The following GOLPH3 variants were observed in gnomAD, a reference collection of about 807,000 sequenced individuals.
GOLPH3 encodes golgi phosphoprotein 3.
Under a neutral mutation model 28.5 loss-of-function variants are expected in GOLPH3, and 14 were observed. The observed-to-expected ratio is 0.49, with a 90% CI of 0.32 to 0.77. The LOEUF (loss-of-function observed/expected upper bound fraction) is 0.77. GOLPH3 is among the 30% of genes least tolerant of loss of function. The pLI is 0.03. For synonymous variants in GOLPH3, 158 were observed against 159.2 expected, an observed-to-expected ratio of 0.99 and a Z score of 0.06; for missense variants, 350 against 393.7, an observed-to-expected ratio of 0.89 and a Z score of 0.94.
chr5:32,143,060 G>A (rs1746115563), intron 2 of GOLPH3, among the ~76,000 whole-genome samples: 1 of 152,194 alleles, frequency 6.6e-6, no homozygotes, highest in African/African-American at 2.4e-5. Flanking sequence ...CCGTGTCTGT[G>A]TAGAAAGAGG....
chr5:32,142,860 C>T (rs1202100997), intron 2 of GOLPH3, among the ~76,000 whole-genome samples: 2 of 150,284 alleles, frequency 1.3e-5, no homozygotes, highest in African/African-American at 2.5e-5. Context: ...CCAGCCGCCC[C>T]GTCCGGGAGG....
At position 32,148,704 on chromosome 5, in the gene GOLPH3, G is replaced by C. The variant is rs557479182; in HGVS notation, c.226-4824C>G. ...CCCAGCTACTCGGGAGGCTGAGGCA[G>C]GAGAATAACGTGACCCCAGGAGGCG... On this transcript the variant is annotated intron_variant, in intron 1 of 3. Transcript: ENST00000265070. Among the ~76,000 whole-genome samples, 166 of 143,102 alleles carry C rather than the reference G, an allele frequency of 1.2e-3. 2 individuals carry two copies. Among genetic ancestry groups the C allele is most frequent in the African/African-American group, 4.1e-3 (158 of 38,982 alleles). 93.9% of individuals were successfully genotyped at this position (143,102 alleles called of 152,430 possible).
Position 32,174,266 on chromosome 5 carries a change from C to T in GOLPH3, c.-232G>A, listed in dbSNP as rs557421547. On this transcript the variant is annotated 5_prime_UTR_variant, in exon 1 of 4. Transcript: ENST00000265070. ...GCGCCTTCCTGCCTGTGGCCGCAGT[C>T]CCCGAAACACCCCGAGCTCCAAGGC... is the stretch of plus-strand genomic sequence containing the variant. 3 of 354,920 alleles carry T rather than the reference C, an allele frequency of 8.5e-6. No homozygotes were observed. The highest frequency in any genetic ancestry group is 1.0e-5 in the Non-Finnish European group (2 of 198,730). The allele number at this position is 354,920 out of a possible 1,614,324, so 22.0% of individuals were successfully genotyped here.
At chr5:32,150,149 T>A (rs1746272813) in intron 1 of GOLPH3, among the ~76,000 whole-genome samples, 1 of 151,942 alleles carries the variant, frequency 6.6e-6, no homozygotes, top group Non-Finnish European at 1.5e-5. Flanking sequence ...AAAATACACA[T>A]GTTAAAATAC....
At chr5:32,133,891 T>C in intron 3 of GOLPH3, among the ~76,000 whole-genome samples, 1 of 152,146 alleles carries the variant, frequency 6.6e-6, no homozygotes, top group East Asian at 1.9e-4. Flanking sequence ...TCAGAGTTAC[T>C]CTCAATGAGA....
intron 1 of GOLPH3, among the ~76,000 whole-genome samples, chr5:32,167,025 A>G (rs1000681635): frequency 6.6e-6 from 1 of 152,188 alleles, no homozygotes; most frequent in Non-Finnish European, 1.5e-5. Context: ...AACATTATGT[A>G]CCAGAACAAG....
intron 3 of GOLPH3, among the ~76,000 whole-genome samples, chr5:32,132,672 T>C (rs1458556638): frequency 2.0e-5 from 3 of 152,156 alleles, no homozygotes; most frequent in Non-Finnish European, 4.4e-5. Context: ...ACATATTATA[T>C]TGAAGCAACA....
chr5:32,148,012 G>C (rs1285174792), intron 1 of GOLPH3, among the ~76,000 whole-genome samples: 3 of 152,168 alleles, frequency 2.0e-5, no homozygotes, highest in African/African-American at 7.2e-5. Flanking sequence ...TGTACAATTA[G>C]AATGGAATGG....
At chr5:32,129,204 CAAAAAACAAAACCAAAAAAACCCTA>C in intron 3 of GOLPH3, among the ~76,000 whole-genome samples, 1 of 151,888 alleles carries the variant, frequency 6.6e-6, no homozygotes, top group East Asian at 1.9e-4. Flanking sequence ...AAAAAACCCC[CAAAAAACAAAACCAAAAAAACCCTA>C]GTGTCCTAGT....
Position 32,173,892 on chromosome 5 carries a change from T to A in GOLPH3, c.143A>T (p.Asp48Val), listed in dbSNP as rs1746911525. 1 of 1,521,504 alleles carries A rather than the reference T, an allele frequency of 6.6e-7. No individual in the cohort carries two copies. 94.3% of individuals were successfully genotyped at this position (1,521,504 alleles called of 1,614,324 possible). ...CTTGGAGTCGCCCTTGTCGTCGTCG[T>A]CCTGCTCGTCGCGGCGGCTCTGCGC... Reference protein sequence around the residue: ...DDAQSRRDEQDDDDKGDSKET... With the variant: ...DDAQSRRDEQVDDDKGDSKET... Residue 48 changes from aspartate (D) to valine (V), a missense_variant, in exon 1 of 4, where the codon GAC becomes GTC. Transcript: ENST00000265070.
intron 3 of GOLPH3, among the ~76,000 whole-genome samples, chr5:32,129,873 ACT>A (rs1745785663): frequency 6.6e-6 from 1 of 150,758 alleles, no homozygotes; most frequent in South Asian, 2.1e-4. Context: ...ACGGAGTCTC[ACT>A]CTGTCGCCCA....
chr5:32,138,419 G>A (rs568650808), intron 2 of GOLPH3, among the ~76,000 whole-genome samples: 1 of 151,888 alleles, frequency 6.6e-6, no homozygotes, highest in East Asian at 1.9e-4. Flanking sequence ...AAGTTTTAGG[G>A]TACATGTGTA....
intron 1 of GOLPH3, among the ~76,000 whole-genome samples, chr5:32,155,262 T>G (rs979513343): frequency 6.6e-6 from 1 of 152,194 alleles, no homozygotes; most frequent in African/African-American, 2.4e-5. Context: ...CATAGCTCAC[T>G]GCAACCTTGA....
At chr5:32,142,968 G>C (rs1045778029) in intron 2 of GOLPH3, among the ~76,000 whole-genome samples, 1 of 152,178 alleles carries the variant, frequency 6.6e-6, no homozygotes, top group African/African-American at 2.4e-5. Flanking sequence ...AGCTCACTGA[G>C]AACGGGCCAT....
intron 2 of GOLPH3, among the ~76,000 whole-genome samples, chr5:32,142,628 C>T (rs1362272086): frequency 1.4e-5 from 2 of 145,856 alleles, no homozygotes; most frequent in South Asian, 2.2e-4. Context: ...CCCGGCCAGC[C>T]GCCCCGTCCG....
intron 1 of GOLPH3, among the ~76,000 whole-genome samples, chr5:32,162,325 A>T (rs1343649856): frequency 6.7e-6 from 1 of 148,584 alleles, no homozygotes; most frequent in South Asian, 2.1e-4. Context: ...ACCCCGTCTC[A>T]ACTAAAAATA....
chr5:32,158,651 G>A (rs563177029), intron 1 of GOLPH3, among the ~76,000 whole-genome samples: 2 of 152,214 alleles, frequency 1.3e-5, no homozygotes, highest in Admixed American at 6.5e-5. Context: ...CTCTTTGTCA[G>A]GTTACTCTTC....
At chr5:32,173,639 A>G in intron 1 of GOLPH3, 171 bp downstream of exon 1, 1 of 414,744 alleles carries the variant, frequency 2.4e-6, no homozygotes, top group Non-Finnish European at 4.1e-6. Flanking sequence ...CCAGGGGGTC[A>G]ACCAACTCCG....
intron 2 of GOLPH3, among the ~76,000 whole-genome samples, chr5:32,136,522 C>G (rs60161115): frequency 0.054 from 8,227 of 151,130 alleles, 465 homozygotes; most frequent in African/African-American, 0.14. Context: ...ATTAGTAAAG[C>G]AACATACTAG....
Sources: allele counts gnomAD v4.1 joint callset (sites outside exome capture counted in the v4.1 genomes callset), GRCh38; gene constraint gnomAD v4.1.1; transcripts MANE v1.5; gene names NCBI Gene and HGNC (gene_info 2026-07-23, HGNC 2026-07-21).